The following STK24 variants were observed in gnomAD, a reference collection of about 807,000 sequenced individuals.
The protein encoded by STK24 is serine/threonine-protein kinase 24.
Under a neutral mutation model 55.6 loss-of-function variants are expected in STK24, and 21 were observed. The ratio of observed to expected loss-of-function variants is 0.38; its 90% CI spans 0.27 to 0.54. STK24 has a LOEUF of 0.54. Among genes scored for constraint, STK24 ranks in the 20% least tolerant of loss-of-function variants. The probability of loss-of-function intolerance (pLI) is 0.79; values close to 1 mark genes in which losing one functional copy is unlikely to be tolerated. For missense variants in STK24, 383 were observed against 538.4 expected, an observed-to-expected ratio of 0.71 and a Z score of 2.86; for synonymous variants, 200 against 215.2, an observed-to-expected ratio of 0.93 and a Z score of 0.62.
chr13:98,555,035 G>GAAAA (rs1897251639), intron 1 of STK24, among the ~76,000 whole-genome samples: 1 of 131,916 alleles, frequency 7.6e-6, no homozygotes, highest in Non-Finnish European at 1.6e-5. Context: ...AAAAAAAAAA[G>GAAAA]AAAGAAAAAA....
chr13:98,456,847 A>G (rs1893481909), intron 10 of STK24: 2 of 450,898 alleles, frequency 4.4e-6, no homozygotes, highest in Non-Finnish European at 8.1e-6. Context: ...TCTGGCTAAG[A>G]ACGATCATTC....
At chr13:98,454,311 G>A (rs542060150) in intron 10 of STK24, 7 of 152,236 alleles carry the variant, frequency 4.6e-5, no homozygotes, top group Non-Finnish European at 8.8e-5. Context: ...GGGTGAGAAC[G>A]GGGTCCCCTC....
At chr13:98,494,428 A>AAAAAAAAAAAAAAAAAAAAAAAAAT (rs58955737) in intron 2 of STK24, among the ~76,000 whole-genome samples, 29 of 148,974 alleles carry the variant, frequency 1.9e-4, no homozygotes, top group East Asian at 4.0e-4. Context: ...AAAAAAAAAA[A>AAAAAAAAAAAAAAAAAAAAAAAAAT]GTGCCTCTAA....
At chr13:98,541,123 T>C (rs1896878768) in intron 1 of STK24, among the ~76,000 whole-genome samples, 3 of 152,176 alleles carry the variant, frequency 2.0e-5, no homozygotes, top group South Asian at 4.1e-4. Context: ...CTAAGAGAAG[T>C]TGCTCACTAA....
chr13:98,446,172 A>G lies in STK24; in HGVS notation c.*7001T>C. On this transcript the variant is annotated 3_prime_UTR_variant, in exon 11 of 11. Coordinates refer to ENST00000539966, the MANE Select transcript of STK24 (RefSeq NM_001032296.4). ...GGCAGAAGCTGTGGGTGGTGTTCAC[A>G]AACTTCTGCCTGTTCTTCTACAAAT... is the stretch of plus-strand genomic sequence containing the variant. 1.9e-6 allele frequency: 3 copies of G among 1,613,818 alleles called. No homozygotes were observed. The highest frequency in any genetic ancestry group is 2.5e-6 in the Non-Finnish European group (3 of 1,179,712).
At chr13:98,456,746 C>T (rs1331100694) in intron 10 of STK24, 9 of 352,980 alleles carry the variant, frequency 2.5e-5, no homozygotes, top group East Asian at 1.5e-4. Flanking sequence ...AACACACCTG[C>T]GCCCGCTCCC....
chr13:98,526,946 C>T (rs576175162), intron 1 of STK24, among the ~76,000 whole-genome samples: 1 of 152,314 alleles, frequency 6.6e-6, no homozygotes, highest in South Asian at 2.1e-4. Flanking sequence ...CCTGCTGATA[C>T]CGACCCCATG....
chr13:98,485,728 A>G (rs761034179), intron 2 of STK24, among the ~76,000 whole-genome samples: 13 of 152,236 alleles, frequency 8.5e-5, no homozygotes, highest in Non-Finnish European at 1.8e-4. Flanking sequence ...AGATGGAGTC[A>G]GTTAAGTTCG....
chr13:98,565,844 G>A (rs749185096), intron 1 of STK24, among the ~76,000 whole-genome samples: 21 of 152,040 alleles, frequency 1.4e-4, no homozygotes, highest in Non-Finnish European at 2.5e-4. Context: ...CCAAGTCACC[G>A]CCCCCCACAC....
Position 98,519,357 on chromosome 13 carries a change from C to T in STK24, c.159G>A (p.Lys53=). 3 of 1,614,224 alleles carry T rather than the reference C, an allele frequency of 1.9e-6. No individual in the cohort carries two copies. Among genetic ancestry groups the T allele is most frequent in the Non-Finnish European group, 1.7e-6 (2 of 1,180,032 alleles). The change falls in exon 2 of 11, where the codon AAG becomes AAA. Residue 53 remains lysine, a synonymous_variant. Coordinates refer to ENST00000539966, the MANE Select transcript of STK24 (RefSeq NM_001032296.4). ...CTTCAGCTTCTTCCAGATCAATGAT[C>T]TTTATGGCAACCACTTTCTGAGTCC... ...DNRTQKVVAI[K]IIDLEEAEDE... is the part of the protein sequence containing the mutation.
At chr13:98,518,066 G>A (rs960236877) in intron 2 of STK24, among the ~76,000 whole-genome samples, 1 of 152,122 alleles carries the variant, frequency 6.6e-6, no homozygotes, top group Non-Finnish European at 1.5e-5. Context: ...CAAAGTAAAT[G>A]ACAAGATTCA....
intron 1 of STK24, among the ~76,000 whole-genome samples, chr13:98,533,678 T>A (rs767501893): frequency 2.0e-5 from 3 of 151,912 alleles, no homozygotes; most frequent in Non-Finnish European, 2.9e-5. Context: ...AAATATAAAT[T>A]CGATTTTTGA....
intron 3 of STK24, among the ~76,000 whole-genome samples, chr13:98,476,657 A>C (rs1218033455): frequency 1.3e-5 from 2 of 152,132 alleles, no homozygotes; most frequent in African/African-American, 2.4e-5. Flanking sequence ...ATCCGGAAGT[A>C]CTTGTGGGGT....
At chr13:98,575,384 A>G (rs1897856284) in intron 1 of STK24, among the ~76,000 whole-genome samples, 1 of 148,772 alleles carries the variant, frequency 6.7e-6, no homozygotes, top group African/African-American at 2.5e-5. Context: ...ATATATACAC[A>G]CATATATATA....
rs1893933753 is a variant in STK24 at position 98,466,568 on chromosome 13, C to T, written c.598-7G>A. On this transcript the variant is annotated splice_polypyrimidine_tract_variant and splice_region_variant and intron_variant, in intron 5 of 10. Coordinates refer to ENST00000539966, the MANE Select transcript of STK24 (RefSeq NM_001032296.4). ...CCAGGGACCAGATGTCTGCCTGCAA[C>T]AAGAAAAGCATCTTTACAAACACCA... 7 of 1,612,250 alleles carry T rather than the reference C, an allele frequency of 4.3e-6. No homozygotes were observed. The highest frequency in any genetic ancestry group is 1.7e-6 in the Non-Finnish European group (2 of 1,179,256).
rs1323327116 is a variant in STK24 at position 98,450,482 on chromosome 13, C to G, written c.*2691G>C. The G allele has an allele frequency of 1.3e-5, 2 of 152,266 alleles. No individual in the cohort carries two copies. The highest frequency in any genetic ancestry group is 4.8e-5 in the African/African-American group (2 of 41,446). The allele number at this position is 152,266 out of a possible 1,614,324, so 9.4% of individuals were successfully genotyped here. A position where few individuals can be genotyped will look rare whatever the true frequency, so the allele number is the denominator to read the frequency against. On this transcript the variant is annotated 3_prime_UTR_variant, in exon 11 of 11. Coordinates refer to ENST00000539966, the MANE Select transcript of STK24 (RefSeq NM_001032296.4). ...AGATGCACTTCCAAGAAAATCAGAA[C>G]CCAGCAAGAAGTGGCCAGTGCACCC...
chr13:98,521,098 C>T (rs578114548), intron 1 of STK24, among the ~76,000 whole-genome samples: 8 of 152,196 alleles, frequency 5.3e-5, no homozygotes, highest in Non-Finnish European at 1.2e-4. Context: ...CCAGCGTAAT[C>T]CGAGGTCTAA....
intron 1 of STK24, among the ~76,000 whole-genome samples, chr13:98,536,098 T>C (rs185311690): frequency 2.0e-5 from 3 of 152,312 alleles, no homozygotes; most frequent in East Asian, 3.9e-4. Flanking sequence ...GCGAAGGTCA[T>C]AGACAAGGTT....
chr13:98,564,814 A>G (rs762430307), intron 1 of STK24, among the ~76,000 whole-genome samples: 1 of 152,192 alleles, frequency 6.6e-6, no homozygotes, highest in African/African-American at 2.4e-5. Flanking sequence ...CAGAAGCAGG[A>G]GGACTGCTTG....
Sources: gnomAD v4.1 joint callset for allele counts (sites outside exome capture counted in the v4.1 genomes callset) on GRCh38, gnomAD v4.1.1 for gene constraint, MANE v1.5 for transcripts, NCBI Gene and HGNC (gene_info 2026-07-23, HGNC 2026-07-21) for gene names.